The following GALNT18 variants were observed in gnomAD, a reference collection of about 807,000 sequenced individuals.
The protein encoded by GALNT18 is polypeptide N-acetylgalactosaminyltransferase 18.
GALNT18 carries 44 observed loss-of-function variants against 69.5 expected under a neutral mutation model. That is an observed-to-expected ratio of 0.63 (90% confidence interval 0.50 to 0.81). The LOEUF is 0.81. Ranked by LOEUF, GALNT18 falls within the 40% of genes least tolerant of loss-of-function variation. The probability of loss-of-function intolerance (pLI) is 0.00; values close to 1 mark genes in which losing one functional copy is unlikely to be tolerated. For synonymous variants in GALNT18, 364 were observed against 318.2 expected, an observed-to-expected ratio of 1.14 and a Z score of -1.53; for missense variants, 715 against 810.0, an observed-to-expected ratio of 0.88 and a Z score of 1.42.
chr11:11,615,132 A>G (rs1293081418), intron 1 of GALNT18, among the ~76,000 whole-genome samples: 2 of 152,210 alleles, frequency 1.3e-5, no homozygotes, highest in Non-Finnish European at 2.9e-5. Flanking sequence ...TCTTTCCTCA[A>G]ATAAACTCCA....
chr11:11,589,108 G>A (rs966626352), intron 1 of GALNT18, among the ~76,000 whole-genome samples: 4 of 152,176 alleles, frequency 2.6e-5, no homozygotes, highest in African/African-American at 7.2e-5. Flanking sequence ...GAGATAATGT[G>A]TTTGGACTCT....
intron 7 of GALNT18, among the ~76,000 whole-genome samples, chr11:11,336,167 C>A (rs1381322528): frequency 5.9e-5 from 9 of 152,270 alleles, no homozygotes; most frequent in African/African-American, 2.2e-4. Context: ...GCTCCTGAAC[C>A]CTGCTTAAGA....
rs1858599856 is a variant in GALNT18 at position 11,564,668 on chromosome 11, A to G, written c.235+56691T>C. Among the ~76,000 whole-genome samples the G allele has an allele frequency of 6.6e-6, 1 of 152,208 alleles. No homozygotes were observed. Among genetic ancestry groups the G allele is most frequent in the Non-Finnish European group, 1.5e-5 (1 of 68,032 alleles). On this transcript the variant is annotated intron_variant, in intron 1 of 10. Coordinates refer to ENST00000227756, the MANE Select transcript of GALNT18 (RefSeq NM_198516.3). This position sits in a 1 kb window ranked among gnomAD's most constrained non-coding sequence, Gnocchi z 4.3. ...GTTGGAATTTAATACCAACTTATCT[A>G]TGAAAACCCTGCTAACCCAAGAAGT...
intron 3 of GALNT18, among the ~76,000 whole-genome samples, chr11:11,422,044 CATCTAT>C (rs200766581): frequency 2.0e-5 from 3 of 151,772 alleles, no homozygotes; most frequent in African/African-American, 4.8e-5. Flanking sequence ...ATATCTATAT[CATCTAT>C]ATCTATATCT....
chr11:11,458,966 A>T (rs565271586), intron 1 of GALNT18, among the ~76,000 whole-genome samples: 40 of 152,280 alleles, frequency 2.6e-4, no homozygotes, highest in African/African-American at 9.4e-4. Flanking sequence ...CTTCTGTAAG[A>T]TGGAGCCAGT....
chr11:11,588,734 A>G lies in GALNT18; in HGVS notation c.235+32625T>C, dbSNP rs750711081. The stretch of plus-strand genomic sequence containing the variant: ...GTAATCTGGCTTCACTGTGGATCTC[A>G]AACGCCAGCTCCTGCATTTATTGAG... On this transcript the variant is annotated intron_variant, in intron 1 of 10. Coordinates refer to ENST00000227756, the MANE Select transcript of GALNT18 (RefSeq NM_198516.3). Among the ~76,000 whole-genome samples the G allele has an allele frequency of 1.5e-3, 230 of 152,328 alleles. 1 individual carries two copies. Among genetic ancestry groups the G allele is most frequent in the Non-Finnish European group, 2.7e-3 (184 of 68,020 alleles).
At chr11:11,295,218 G>A (rs781044468) in intron 9 of GALNT18, among the ~76,000 whole-genome samples, 2 of 152,088 alleles carry the variant, frequency 1.3e-5, no homozygotes, top group African/African-American at 4.8e-5. Context: ...GGGCAGGCAG[G>A]GTGTTCCCTT....
chr11:11,390,818 T>C (rs989468147), intron 3 of GALNT18, among the ~76,000 whole-genome samples: 3 of 152,206 alleles, frequency 2.0e-5, no homozygotes, highest in Non-Finnish European at 2.9e-5. Context: ...AGTAGAACAG[T>C]AGGAACAGAG....
At chr11:11,490,234 AAC>A (rs61477736) in intron 1 of GALNT18, among the ~76,000 whole-genome samples, 4,496 of 125,070 alleles carry the variant, frequency 0.036, 174 homozygotes, top group African/African-American at 0.12. Context: ...CTCTCTCTCT[AAC>A]ACACACACAC....
intron 6 of GALNT18, chr11:11,352,895 C>CT: frequency 1.2e-6 from 2 of 1,614,102 alleles, no homozygotes; most frequent in Non-Finnish European, 1.7e-6. Context: ...TAATTTTCTT[C>CT]TTTTTTACTG....
At chr11:11,273,852 ATAT>A (rs1291423049) in intron 10 of GALNT18, among the ~76,000 whole-genome samples, 1 of 152,130 alleles carries the variant, frequency 6.6e-6, no homozygotes, top group East Asian at 1.9e-4. Context: ...GGATGGAATA[ATAT>A]TTAACCATTA....
rs1439156571 is a variant in GALNT18, at chr11:11,620,504, C to T, written c.235+855G>A. Among the ~76,000 whole-genome samples the T allele has an allele frequency of 1.3e-5, 2 of 152,158 alleles. No homozygotes were observed. Among genetic ancestry groups the T allele is most frequent in the Non-Finnish European group, 2.9e-5 (2 of 68,032 alleles). On this transcript the variant is annotated intron_variant, in intron 1 of 10. Transcript: ENST00000227756. The surrounding 1 kb of genome is among the most constrained non-coding windows in gnomAD (Gnocchi z 6.9). ...CGCACCCAACCAGCGTAACCTTACA[C>T]TTCAGACCCAACCCAGGTCTGCTCA...
intron 1 of GALNT18, among the ~76,000 whole-genome samples, chr11:11,455,641 G>A (rs1855908681): frequency 6.6e-6 from 1 of 151,996 alleles, no homozygotes; most frequent in Non-Finnish European, 1.5e-5. Context: ...AGCCTCAGCA[G>A]GCTGGGGGTA....
At chr11:11,307,042 T>C (rs1326837382) in intron 9 of GALNT18, among the ~76,000 whole-genome samples, 1 of 152,194 alleles carries the variant, frequency 6.6e-6, no homozygotes, top group Non-Finnish European at 1.5e-5. Flanking sequence ...TCCAGCCGAC[T>C]GTCAGCCAGT....
At chr11:11,468,560 C>T (rs1198798553) in intron 1 of GALNT18, among the ~76,000 whole-genome samples, 2 of 151,530 alleles carry the variant, frequency 1.3e-5, no homozygotes, top group African/African-American at 4.9e-5. Flanking sequence ...AAGCTTCCAA[C>T]CAGCCCTTGC....
At chr11:11,441,339 G>A (rs190719875) in intron 2 of GALNT18, among the ~76,000 whole-genome samples, 1 of 152,310 alleles carries the variant, frequency 6.6e-6, no homozygotes, top group African/African-American at 2.4e-5. Flanking sequence ...GATTAAGAAT[G>A]TTTATTTTAA....
In GALNT18 at chr11:11,540,997, T is replaced by C. The variant is rs1230891514; in HGVS notation, c.235+80362A>G. Among the ~76,000 whole-genome samples the C allele has an allele frequency of 1.3e-5, 2 of 152,196 alleles. No homozygotes were observed. The highest frequency in any genetic ancestry group is 2.9e-5 in the Non-Finnish European group (2 of 68,044). ...TTCTCTTTTCTTTGATGGTGGATACTTCGGAAAACAGAAATAGAATTACTT... is the reference window on the plus strand; with the variant it reads ...TTCTCTTTTCTTTGATGGTGGATACCTCGGAAAACAGAAATAGAATTACTT... On this transcript the variant is annotated intron_variant, in intron 1 of 10. Transcript: ENST00000227756. The surrounding 1 kb of genome is among the most constrained non-coding windows in gnomAD (Gnocchi z 4.6).
chr11:11,448,675 C>T (rs1030900773), intron 2 of GALNT18, 69 bp downstream of exon 2: 7 of 1,378,162 alleles, frequency 5.1e-6, no homozygotes, highest in Non-Finnish European at 7.0e-6. Context: ...CTGCTCTGTT[C>T]CCAGCACTCT....
chr11:11,485,028 C>G (rs547952872), intron 1 of GALNT18, among the ~76,000 whole-genome samples: 1 of 152,200 alleles, frequency 6.6e-6, no homozygotes, highest in African/African-American at 2.4e-5. Flanking sequence ...TCCAAGCCAT[C>G]GGTGACATGT....
Sources: allele counts gnomAD v4.1 joint callset (sites outside exome capture counted in the v4.1 genomes callset), GRCh38; gene constraint gnomAD v4.1.1; non-coding constraint Gnocchi (gnomAD v3.1); transcripts MANE v1.5; gene names NCBI Gene and HGNC (gene_info 2026-07-23, HGNC 2026-07-21).